Variants in TRPS1 observed in about 807,000 individuals in gnomAD.
TRPS1 encodes transcriptional repressor GATA binding 1.
In TRPS1, 6 loss-of-function variants were observed where a neutral mutation model predicts 101.2. The observed-to-expected ratio is 0.06, with a 90% CI of 0.03 to 0.12. The LOEUF (loss-of-function observed/expected upper bound fraction) is 0.12. Among genes scored for constraint, TRPS1 ranks in the 10% least tolerant of loss-of-function variants. The probability of loss-of-function intolerance (pLI) is 1.00; values close to 1 mark genes in which losing one functional copy is unlikely to be tolerated. For missense variants in TRPS1, 1,363 were observed against 1,567.0 expected (o/e 0.87, Z 2.20); for synonymous variants, 578 against 589.8 (o/e 0.98, Z 0.29).
chr8:115,472,190 T>C (rs966942525), intron 5 of TRPS1, among the ~76,000 whole-genome samples: 1 of 152,240 alleles, frequency 6.6e-6, no homozygotes, highest in African/African-American at 2.4e-5. Context: ...AGAAAACATG[T>C]GCCTGAACAT....
chr8:115,419,460 C>T (rs1031564010), intron 5 of TRPS1, among the ~76,000 whole-genome samples: 6 of 151,704 alleles, frequency 4.0e-5, no homozygotes, highest in East Asian at 1.9e-4. Context: ...ATAAAATATG[C>T]GTGTTAGATA....
chr8:115,595,584 A>G (rs1013179368), intron 4 of TRPS1, among the ~76,000 whole-genome samples: 5 of 151,894 alleles, frequency 3.3e-5, no homozygotes, highest in African/African-American at 1.2e-4. Context: ...GGTAGAAAAA[A>G]CACTACTAAC....
At chr8:115,594,992 A>G (rs932669115) in intron 4 of TRPS1, among the ~76,000 whole-genome samples, 1 of 151,950 alleles carries the variant, frequency 6.6e-6, no homozygotes, top group Non-Finnish European at 1.5e-5. Flanking sequence ...TAAATCTTAA[A>G]GACAATCAAT....
chr8:115,628,899 C>T (rs558439977), intron 1 of TRPS1, among the ~76,000 whole-genome samples: 1 of 151,882 alleles, frequency 6.6e-6, no homozygotes, highest in Non-Finnish European at 1.5e-5. Flanking sequence ...CTGTATAATA[C>T]ATATCCCTCC....
At chr8:115,447,996 A>G (rs1025990780) in intron 5 of TRPS1, among the ~76,000 whole-genome samples, 4 of 152,158 alleles carry the variant, frequency 2.6e-5, no homozygotes, top group African/African-American at 9.7e-5. Context: ...CAATTATACT[A>G]AATTACTGAC....
intron 5 of TRPS1, among the ~76,000 whole-genome samples, chr8:115,499,798 G>A (rs981335499): frequency 2.0e-5 from 3 of 152,124 alleles, no homozygotes; most frequent in African/African-American, 7.2e-5. Context: ...TGTTTGCTGT[G>A]TCTAAGCAAT....
chr8:115,425,973 A>G (rs533247403), intron 5 of TRPS1, among the ~76,000 whole-genome samples: 1 of 152,236 alleles, frequency 6.6e-6, no homozygotes, highest in Non-Finnish European at 1.5e-5. Flanking sequence ...ATGCATTTGG[A>G]CAGCTAAAAA....
intron 5 of TRPS1, among the ~76,000 whole-genome samples, chr8:115,561,071 G>A (rs1265032653): frequency 2.0e-5 from 3 of 152,074 alleles, no homozygotes; most frequent in Non-Finnish European, 4.4e-5. Flanking sequence ...CGATTACTTT[G>A]TCCTAACAGA....
Position 115,560,252 on chromosome 8 carries a change from A to G in TRPS1, c.2700+26749T>C, listed in dbSNP as rs146084131. 1.5e-3 allele frequency among the ~76,000 whole-genome samples: 228 copies of G among 152,246 alleles called. 1 individual carries two copies. The highest frequency in any genetic ancestry group is 5.3e-3 in the African/African-American group (220 of 41,552). ...TTATAAAACAGGTCAGGAAACTAGA[A>G]GCATTAAATCAGTGATCAATATCAG... On this transcript the variant is annotated intron_variant, in intron 5 of 6. Transcript: ENST00000395715.
intron 1 of TRPS1, among the ~76,000 whole-genome samples, chr8:115,660,708 C>A (rs1563676463): frequency 6.6e-6 from 1 of 151,698 alleles, no homozygotes; most frequent in Non-Finnish European, 1.5e-5. Context: ...AACAATAAAT[C>A]ATTTGTTTAT....
chr8:115,510,231 T>C (rs1287213056), intron 5 of TRPS1, among the ~76,000 whole-genome samples: 1 of 151,936 alleles, frequency 6.6e-6, no homozygotes, highest in East Asian at 1.9e-4. Flanking sequence ...TCATACCCTT[T>C]GCTTTATTTT....
chr8:115,444,501 C>T (rs1813683198), intron 5 of TRPS1, among the ~76,000 whole-genome samples: 1 of 152,200 alleles, frequency 6.6e-6, no homozygotes, highest in South Asian at 2.1e-4. Context: ...CTCTGTCTGT[C>T]TTCAATCTGT....
At chr8:115,641,899 A>ACAAAACAAAACAAAT (rs1818907002) in intron 1 of TRPS1, among the ~76,000 whole-genome samples, 1 of 152,102 alleles carries the variant, frequency 6.6e-6, no homozygotes, top group South Asian at 2.1e-4. Flanking sequence ...ACAAAACAAA[A>ACAAAACAAAACAAAT]CAAAACAAAA....
At chr8:115,501,481 A>G (rs1815318790) in intron 5 of TRPS1, among the ~76,000 whole-genome samples, 1 of 152,196 alleles carries the variant, frequency 6.6e-6, no homozygotes, top group Non-Finnish European at 1.5e-5. Context: ...CTAATATTTA[A>G]AAACTCTCAA....
chr8:115,522,225 A>C (rs1194651449), intron 5 of TRPS1, among the ~76,000 whole-genome samples: 1 of 151,962 alleles, frequency 6.6e-6, no homozygotes, highest in Non-Finnish European at 1.5e-5. Context: ...ACTTTTTCCC[A>C]CAATAATAAA....
At position 115,413,901 on chromosome 8, in the gene TRPS1, T is replaced by G; in HGVS notation, c.*122A>C. 6.3e-6 allele frequency: 6 copies of G among 956,784 alleles called. No homozygotes were observed. The highest frequency in any genetic ancestry group is 9.2e-6 in the Non-Finnish European group (6 of 651,956). 59.3% of individuals were successfully genotyped at this position (956,784 alleles called of 1,614,324 possible). A position where few individuals can be genotyped will look rare whatever the true frequency, so the allele number is the denominator to read the frequency against. On this transcript the variant is annotated 3_prime_UTR_variant, in exon 7 of 7. Transcript: ENST00000395715. The stretch of plus-strand genomic sequence containing the variant: ...GAAAGAATAACAAAAGAAGGGAATT[T>G]CATGTTGGATAAGGCAGGCTCTATG...
rs16887519 is a variant in TRPS1 at position 115,510,192 on chromosome 8, T to C, written c.2700+76809A>G. On this transcript the variant is annotated intron_variant, in intron 5 of 6. Coordinates refer to ENST00000395715, the MANE Select transcript of TRPS1 (RefSeq NM_014112.5). Reference sequence around the variant, plus strand: ...ATCTTAGGCTCAATTCAATCGTACATATCCTAAGTAACAGCAAACCAACCT... The same window carrying C: ...ATCTTAGGCTCAATTCAATCGTACACATCCTAAGTAACAGCAAACCAACCT... 6.7e-3 allele frequency among the ~76,000 whole-genome samples: 1,017 copies of C among 152,064 alleles called. 14 individuals are homozygous for C. Among genetic ancestry groups the C allele is most frequent in the African/African-American group, 0.023 (970 of 41,524 alleles).
At chr8:115,435,923 C>T (rs1428305563) in intron 5 of TRPS1, among the ~76,000 whole-genome samples, 1 of 150,844 alleles carries the variant, frequency 6.6e-6, no homozygotes, top group African/African-American at 2.4e-5. Flanking sequence ...GAGAACGATG[C>T]AAGAAAGCAG....
At chr8:115,468,774 A>T (rs1276746758) in intron 5 of TRPS1, among the ~76,000 whole-genome samples, 3 of 152,222 alleles carry the variant, frequency 2.0e-5, no homozygotes, top group Non-Finnish European at 4.4e-5. Context: ...GGAAGCAATT[A>T]TAAGCTACAG....
Sources: allele counts gnomAD v4.1 joint callset (sites outside exome capture counted in the v4.1 genomes callset), GRCh38; gene constraint gnomAD v4.1.1; transcripts MANE v1.5; gene names NCBI Gene and HGNC (gene_info 2026-07-23, HGNC 2026-07-21).